MBD5: variants seen among roughly 807,000 people sequenced by gnomAD.
MBD5 encodes methyl-CpG binding domain protein 5.
A neutral mutation model predicts 117.3 loss-of-function variants in MBD5; 13 were observed. That is an observed-to-expected ratio of 0.11 (90% CI 0.07 to 0.18). MBD5 has a LOEUF of 0.18. Ranked by LOEUF, MBD5 falls within the 10% of genes least tolerant of loss-of-function variation. The pLI is 1.00. For synonymous variants in MBD5, 727 were observed against 766.4 expected, an observed-to-expected ratio of 0.95 and a Z score of 0.85; for missense variants, 1,879 against 2,093.8, an observed-to-expected ratio of 0.90 and a Z score of 2.00.
At chr2:148,458,140 A>G in intron 4 of MBD5, 63 bp from the exon 5 acceptor site, 1 of 396,884 alleles carries the variant, frequency 2.5e-6, no homozygotes, top group Non-Finnish European at 4.4e-6. Context: ...CTATTTTAAA[A>G]CTGTAAAGCT....
At chr2:148,454,601 G>A (rs1340478381) in intron 4 of MBD5, among the ~76,000 whole-genome samples, 2 of 152,084 alleles carry the variant, frequency 1.3e-5, no homozygotes, top group African/African-American at 4.8e-5. Flanking sequence ...GGATACAGAC[G>A]AGAATCGTAA....
At chr2:148,288,641 G>C (rs554528756) in intron 3 of MBD5, among the ~76,000 whole-genome samples, 1 of 152,064 alleles carries the variant, frequency 6.6e-6, no homozygotes, top group East Asian at 1.9e-4. Flanking sequence ...AAAAAGCCCT[G>C]ATGATCGGAC....
intron 3 of MBD5, among the ~76,000 whole-genome samples, chr2:148,238,490 T>G (rs1263356636): frequency 6.6e-6 from 1 of 152,238 alleles, no homozygotes; most frequent in Non-Finnish European, 1.5e-5. Context: ...GATGTTTATT[T>G]GGTCTGAAAA....
chr2:148,043,269 C>CAA (rs562084533), intron 1 of MBD5, among the ~76,000 whole-genome samples: 3 of 142,796 alleles, frequency 2.1e-5, no homozygotes, highest in African/African-American at 5.1e-5. Context: ...ACTAAAAATA[C>CAA]AAAAAAAAAA....
chr2:148,507,878 T>C (rs1451597356), intron 12 of MBD5, among the ~76,000 whole-genome samples: 6 of 152,158 alleles, frequency 3.9e-5, no homozygotes, highest in Non-Finnish European at 8.8e-5. Flanking sequence ...CATTAAAACA[T>C]TGTAACTTCA....
intron 1 of MBD5, among the ~76,000 whole-genome samples, chr2:148,150,400 C>G (rs1697620109): frequency 6.6e-6 from 1 of 151,760 alleles, no homozygotes; most frequent in Admixed American, 6.6e-5. Flanking sequence ...GTTCTTTTGG[C>G]TTAGGATTGA....
At chr2:148,252,631 C>A (rs1272258993) in intron 3 of MBD5, among the ~76,000 whole-genome samples, 3 of 152,130 alleles carry the variant, frequency 2.0e-5, no homozygotes, top group African/African-American at 7.2e-5. Context: ...CTCACTGCAG[C>A]CTCGACCTCC....
At chr2:148,287,453 T>A (rs1224266529) in intron 3 of MBD5, among the ~76,000 whole-genome samples, 1 of 152,134 alleles carries the variant, frequency 6.6e-6, no homozygotes, top group Non-Finnish European at 1.5e-5. Context: ...GACGGATGTA[T>A]CAGTCAGTTT....
chr2:148,117,440 A>G (rs1002252354), intron 1 of MBD5, among the ~76,000 whole-genome samples: 2 of 152,184 alleles, frequency 1.3e-5, no homozygotes, highest in Non-Finnish European at 2.9e-5. Flanking sequence ...AGAATAATGA[A>G]TGAATTACAT....
At chr2:148,152,901 A>T (rs1037916688) in intron 1 of MBD5, among the ~76,000 whole-genome samples, 10 of 152,000 alleles carry the variant, frequency 6.6e-5, no homozygotes, top group African/African-American at 2.4e-4. Context: ...CCAATTTGCC[A>T]GTCTCTGTCT....
chr2:148,326,380 C>G (rs1479591965), intron 3 of MBD5, among the ~76,000 whole-genome samples: 2 of 152,050 alleles, frequency 1.3e-5, no homozygotes, highest in Non-Finnish European at 2.9e-5. Flanking sequence ...TGTTCAATTC[C>G]TGGGTATCCT....
At chr2:148,243,864 G>A (rs1282358579) in intron 3 of MBD5, 5 of 151,950 alleles carry the variant, frequency 3.3e-5, no homozygotes, top group Non-Finnish European at 7.4e-5. Flanking sequence ...TAAGTATAGA[G>A]TGGAGAAACT....
chr2:148,074,535 C>G (rs1695452061), intron 1 of MBD5, among the ~76,000 whole-genome samples: 1 of 107,474 alleles, frequency 9.3e-6, no homozygotes, highest in African/African-American at 4.0e-5. Flanking sequence ...GAGTCTTGCT[C>G]TGTCGCCCAG....
At chr2:148,412,272 T>TTTTTTTTGTGTG (rs946184910) in intron 4 of MBD5, among the ~76,000 whole-genome samples, 4 of 144,480 alleles carry the variant, frequency 2.8e-5, no homozygotes, top group African/African-American at 1.0e-4. Context: ...AGTATACTTT[T>TTTTTTTTGTGTG]TGTGTGTGTG....
intron 1 of MBD5, among the ~76,000 whole-genome samples, chr2:148,164,379 G>A (rs563951389): frequency 1.3e-5 from 2 of 152,078 alleles, no homozygotes; most frequent in Admixed American, 6.6e-5. Flanking sequence ...GGTATATGGA[G>A]GTGTCTTGGT....
intron 4 of MBD5, among the ~76,000 whole-genome samples, chr2:148,391,883 A>G (rs530971591): frequency 6.6e-6 from 1 of 152,310 alleles, no homozygotes; most frequent in African/African-American, 2.4e-5. Flanking sequence ...TACAACATGT[A>G]TCTCTACAAA....
At chr2:148,421,679 T>G (rs954861818) in intron 4 of MBD5, among the ~76,000 whole-genome samples, 1 of 152,144 alleles carries the variant, frequency 6.6e-6, no homozygotes, top group Non-Finnish European at 1.5e-5. Context: ...TAAGATCCAC[T>G]GGCTTGAAAT....
rs1681489551 is a variant in MBD5 at position 148,490,475 on chromosome 2, A to G, written c.4843A>G (p.Thr1615Ala). 2 of 1,614,106 alleles carry G rather than the reference A, an allele frequency of 1.2e-6. No individual in the cohort carries two copies. Among genetic ancestry groups the G allele is most frequent in the Admixed American group, 1.7e-5 (1 of 60,014 alleles). ...SNELIHYRPR[T>A]FNVGDLVWGQ... ...TGAATTGATACATTATAGACCAAGG[A>G]CGTTCAATGTTGGCGACTTGGTCTG... Residue 1615 changes from threonine to alanine, a missense_variant, in exon 11 of 14, where the codon ACG (threonine) becomes GCG (alanine). By Grantham distance (58) the Thr-to-Ala change is moderately conservative (BLOSUM62 0). This residue lies in a region of MBD5 where 135 missense variants were observed against 148.0 expected (regional missense o/e 0.91). Coordinates refer to ENST00000642680, the MANE Select transcript of MBD5 (RefSeq NM_001378120.1).
At chr2:148,042,411 C>G (rs16828177) in intron 1 of MBD5, among the ~76,000 whole-genome samples, 11,870 of 151,792 alleles carry the variant, frequency 0.078, 1,298 homozygotes, top group African/African-American at 0.25. Flanking sequence ...AAAAATTTCT[C>G]ACAGCTATGA....
Sources: allele counts gnomAD v4.1 joint callset (sites outside exome capture counted in the v4.1 genomes callset), GRCh38; gene constraint gnomAD v4.1.1; regional missense constraint gnomAD v4.1.1; transcripts MANE v1.5; gene names NCBI Gene and HGNC (gene_info 2026-07-23, HGNC 2026-07-21).